The following TMC5 variants were observed in gnomAD, a reference collection of about 807,000 sequenced individuals.
The protein encoded by TMC5 is transmembrane channel like 5.
Under a neutral mutation model 110.5 loss-of-function variants are expected in TMC5, and 86 were observed. The ratio of observed to expected loss-of-function variants is 0.78; its 90% CI spans 0.65 to 0.93. The LOEUF is 0.93. Ranked by LOEUF, TMC5 falls within the 40% of genes least tolerant of loss-of-function variation. The pLI, the probability that TMC5 is intolerant of heterozygous loss-of-function variation, is 0.00. For missense variants in TMC5, 1,144 were observed against 1,222.8 expected (o/e 0.94, Z 0.96); for synonymous variants, 455 against 439.5 (o/e 1.04, Z -0.44).
intron 2 of TMC5, among the ~76,000 whole-genome samples, chr16:19,437,040 T>G (rs2143447095): frequency 6.6e-6 from 1 of 152,246 alleles, no homozygotes; most frequent in East Asian, 1.9e-4. Flanking sequence ...CCAGGCATAG[T>G]GGTGCACACC....
chr16:19,435,200 T>C (rs866078052), intron 2 of TMC5, among the ~76,000 whole-genome samples: 1 of 151,998 alleles, frequency 6.6e-6, no homozygotes, highest in Non-Finnish European at 1.5e-5. Flanking sequence ...TTTTAAAATT[T>C]AGGAGTATAG....
At chr16:19,467,663 T>C (rs764481660) in intron 9 of TMC5, among the ~76,000 whole-genome samples, 3 of 151,966 alleles carry the variant, frequency 2.0e-5, no homozygotes, top group Admixed American at 6.6e-5. Flanking sequence ...TGTAATTTTA[T>C]TAGAAACGGG....
intron 10 of TMC5, among the ~76,000 whole-genome samples, chr16:19,471,698 GC>G (rs1349836018): frequency 6.6e-6 from 1 of 152,128 alleles, no homozygotes. Context: ...GGGGATCTTT[GC>G]TAGCAGTGGA....
intron 2 of TMC5, among the ~76,000 whole-genome samples, chr16:19,438,460 A>AGAAAGAAAGAAAG (rs1567302363): frequency 6.6e-6 from 1 of 150,466 alleles, no homozygotes; most frequent in Non-Finnish European, 1.5e-5. Context: ...AAAGAAAGAA[A>AGAAAGAAAGAAAG]ACTCAACCAA....
intron 12 of TMC5, among the ~76,000 whole-genome samples, chr16:19,475,802 C>CTTTTTTTTT (rs1032784346): frequency 3.1e-5 from 4 of 127,358 alleles, no homozygotes; most frequent in Non-Finnish European, 3.3e-5. Context: ...AATTTTCTTT[C>CTTTTTTTTT]TTTTTTTTTT....
At chr16:19,426,679 C>A (rs1967094011) in intron 1 of TMC5, among the ~76,000 whole-genome samples, 2 of 152,182 alleles carry the variant, frequency 1.3e-5, no homozygotes, top group Admixed American at 6.5e-5. Flanking sequence ...GCACAAGTAA[C>A]CCACAAACCC....
rs752796230 is a variant in TMC5, at chr16:19,463,731, G to A, written c.1237-45G>A. On this transcript the variant is annotated intron_variant, in intron 7 of 21. Transcript: ENST00000542583. ...TATGGCACCTGCTCAGTCGATATTT[G>A]TTGAGTCAACAGCAAGCCACACCTG... The A allele has an allele frequency of 1.6e-5, 26 of 1,597,048 alleles. No homozygotes were observed. In the South Asian group the frequency reaches 2.7e-4, roughly 17 times the overall value.
In TMC5 at chr16:19,434,054, A is replaced by ATCTATAAT. The variant is rs200203424; in HGVS notation, c.-80+3414_-80+3415insTCTATAAT. ...TATATATTATATATATAATATATAT[A>ATCTATAAT]ATATAAATCTATATATATTATATAT... On this transcript the variant is annotated intron_variant, in intron 2 of 21. Coordinates refer to ENST00000542583, the MANE Select transcript of TMC5 (RefSeq NM_001261841.2). Among the ~76,000 whole-genome samples, 80 of 6,346 alleles carry ATCTATAAT rather than the reference A, an allele frequency of 0.013. 2 individuals are homozygous for ATCTATAAT. In the East Asian group the frequency reaches 0.19, roughly 15 times the overall value. 4.2% of individuals were successfully genotyped at this position (6,346 alleles called of 152,430 possible).
At chr16:19,436,720 C>T (rs1330378014) in intron 2 of TMC5, among the ~76,000 whole-genome samples, 1 of 152,152 alleles carries the variant, frequency 6.6e-6, no homozygotes, top group Non-Finnish European at 1.5e-5. Flanking sequence ...CAGCTGCCTT[C>T]AGGTTTGGCT....
At position 19,432,631 on chromosome 16, in the gene TMC5, T is replaced by C. The variant is rs181752524; in HGVS notation, c.-80+1991T>C. 1.2e-3 allele frequency among the ~76,000 whole-genome samples: 184 copies of C among 152,342 alleles called. 2 individuals carry two copies. The highest frequency in any genetic ancestry group is 4.2e-3 in the African/African-American group (174 of 41,586). Reference sequence around the variant, plus strand: ...TCCTCCTCTCTCTTTCCCAATCCTTTTCTGTGGGTTTAGCTCTTTGTTTGT... The same window carrying C: ...TCCTCCTCTCTCTTTCCCAATCCTTCTCTGTGGGTTTAGCTCTTTGTTTGT... On this transcript the variant is annotated intron_variant, in intron 2 of 21. Transcript: ENST00000542583.
rs142693954 is a variant in TMC5, at chr16:19,472,148, C to T, written c.1843C>T (p.Arg615Cys). The T allele has an allele frequency of 1.0e-4, 162 of 1,614,056 alleles. No homozygotes were observed. The highest frequency in any genetic ancestry group is 1.2e-4 in the Non-Finnish European group (138 of 1,180,036). ...GTTGACGTTCAATCAGCTGCTGACC[C>T]GCTTCTCTGCCTACATGGTAGCCTG... ...SKLTFNQLLT[R>C]FSAYMVAWVV... The change falls in exon 11 of 22, where the codon CGC becomes TGC. Residue 615 changes from arginine (R) to cysteine (C), a missense_variant. Coordinates refer to ENST00000542583, the MANE Select transcript of TMC5 (RefSeq NM_001261841.2).
At chr16:19,445,360 A>C (rs1287366736) in intron 4 of TMC5, among the ~76,000 whole-genome samples, 1 of 151,638 alleles carries the variant, frequency 6.6e-6, no homozygotes, top group Non-Finnish European at 1.5e-5. Flanking sequence ...CTCCCACCTC[A>C]GCCTACCCAG....
intron 19 of TMC5, among the ~76,000 whole-genome samples, chr16:19,493,883 C>CTTTTTTTTTTTTTTTTT (rs5816053): frequency 6.6e-6 from 1 of 150,624 alleles, no homozygotes. Context: ...CTACATATAT[C>CTTTTTTTTTTTTTTTTT]TTTTTTTTTT....
At chr16:19,420,358 G>A (rs1009267427) in intron 1 of TMC5, among the ~76,000 whole-genome samples, 1 of 152,086 alleles carries the variant, frequency 6.6e-6, no homozygotes, top group Non-Finnish European at 1.5e-5. Context: ...AACCCACGTG[G>A]CGGAGGTTGC....
At chr16:19,438,482 C>G (rs1203337161) in intron 2 of TMC5, among the ~76,000 whole-genome samples, 1 of 100,988 alleles carries the variant, frequency 9.9e-6, no homozygotes, top group African/African-American at 3.7e-5. Context: ...CATGGTGACT[C>G]ATGCCTATAA....
chr16:19,459,426 G>A (rs1034145168), intron 5 of TMC5, among the ~76,000 whole-genome samples: 4 of 152,176 alleles, frequency 2.6e-5, no homozygotes, highest in Non-Finnish European at 5.9e-5. Context: ...CGATAGTCAA[G>A]GAATGTGAGA....
chr16:19,457,735 T>TTTTTC, intron 5 of TMC5, among the ~76,000 whole-genome samples: 1 of 112,920 alleles, frequency 8.9e-6, no homozygotes, highest in Non-Finnish European at 1.8e-5. Flanking sequence ...TTTTTTTTTT[T>TTTTTC]TTTTTTTTGA....
chr16:19,483,907 T>A (rs1237432871), intron 15 of TMC5, among the ~76,000 whole-genome samples: 6 of 151,680 alleles, frequency 4.0e-5, no homozygotes, highest in Non-Finnish European at 1.5e-5. Context: ...CAAAAACCCA[T>A]CTCTACTAAA....
At chr16:19,481,578 C>A in intron 15 of TMC5, 113 bp downstream of exon 15, 1 of 753,270 alleles carries the variant, frequency 1.3e-6, no homozygotes, top group East Asian at 2.6e-5. Flanking sequence ...GGGTGATAAC[C>A]CATCCAGCCA....
Sources: allele counts gnomAD v4.1 joint callset (sites outside exome capture counted in the v4.1 genomes callset), GRCh38; gene constraint gnomAD v4.1.1; transcripts MANE v1.5; gene names NCBI Gene and HGNC (gene_info 2026-07-23, HGNC 2026-07-21).